N4BP2: variants seen among roughly 807,000 people sequenced by gnomAD.
N4BP2 encodes NEDD4 binding protein 2.
In N4BP2, 91 loss-of-function variants were observed where a neutral mutation model predicts 152.8. The ratio of observed to expected loss-of-function variants is 0.60; its 90% CI spans 0.50 to 0.71. The LOEUF is 0.71. N4BP2 is among the 30% of genes least tolerant of loss of function. The probability of loss-of-function intolerance (pLI) is 0.00; values close to 1 mark genes in which losing one functional copy is unlikely to be tolerated. For synonymous variants in N4BP2, 646 were observed against 705.3 expected (o/e 0.92, Z 1.33); for missense variants, 1,923 against 2,059.1 (o/e 0.93, Z 1.28).
At chr4:40,188,515 C>T in the N4BP2 span, among the ~76,000 whole-genome samples, 1 of 152,112 alleles carries the variant, frequency 6.6e-6, no homozygotes, top group Admixed American at 6.5e-5. Flanking sequence ...GAGGCTGAGG[C>T]AGGCGGATCC....
rs1024793270 is a variant in N4BP2 at position 40,156,029 on chromosome 4, TACATTAAAAATAA to T, written c.*1807_*1819del. 4.6e-5 allele frequency: 7 copies of T among 152,172 alleles called. No individual in the cohort carries two copies. The highest frequency in any genetic ancestry group is 9.7e-5 in the African/African-American group (4 of 41,450). The allele number at this position is 152,172 out of a possible 1,614,324, so 9.4% of individuals were successfully genotyped here. On this transcript the variant is annotated 3_prime_UTR_variant, in exon 18 of 18. Transcript: ENST00000261435. The stretch of plus-strand genomic sequence containing the variant: ...TTTTGTAATCTCTAGAACAGTTCTA[TACATTAAAAATAA>T]ACATTAAAAATAAAGCAGTTCCTTT...
chr4:40,062,458 A>G (rs141533511), intron 1 of N4BP2, among the ~76,000 whole-genome samples: 88 of 151,982 alleles, frequency 5.8e-4, no homozygotes, highest in Middle Eastern at 3.4e-3. Context: ...CAGTCTTCCA[A>G]TGCATTTTTC....
chr4:40,182,595 G>A, the N4BP2 span, among the ~76,000 whole-genome samples: 1 of 151,858 alleles, frequency 6.6e-6, no homozygotes, highest in Non-Finnish European at 1.5e-5. Flanking sequence ...GACTACAGGT[G>A]CACGCCACCA....
At chr4:40,131,638 G>T (rs768829950) in intron 12 of N4BP2, among the ~76,000 whole-genome samples, 163 bp from the exon 13 acceptor site, 1 of 152,112 alleles carries the variant, frequency 6.6e-6, no homozygotes, top group African/African-American at 2.4e-5. Flanking sequence ...AATAAATAGT[G>T]CAAGAGTACT....
At chr4:40,070,158 T>C (rs1177285512) in intron 1 of N4BP2, among the ~76,000 whole-genome samples, 2 of 152,200 alleles carry the variant, frequency 1.3e-5, no homozygotes, top group Non-Finnish European at 2.9e-5. Context: ...TTTTGCCATA[T>C]TTGTTTTATC....
Position 40,120,473 on chromosome 4 carries a change from GT to G in N4BP2, c.2364del (p.Gly789ValfsTer39), listed in dbSNP as rs753463560. 10 of 1,613,652 alleles carry G rather than the reference GT, an allele frequency of 6.2e-6. No homozygotes were observed. In the East Asian group the frequency reaches 2.2e-4, roughly 36 times the overall value. On this transcript the variant is annotated frameshift_variant, in exon 9 of 18. Transcript: ENST00000261435. LOFTEE classifies it high-confidence loss of function. ...KFPRHELSNF[V>X]GDWPVDKTIG... ...CCCAAGACATGAGCTATCAAATTTT[GT>G]TGGTGACTGGCCAGTTGATAAGACT...
In N4BP2 at chr4:40,144,618, T is replaced by G. The variant is rs751792551; in HGVS notation, c.4975-14T>G. 1 of 1,586,334 alleles carries G rather than the reference T, an allele frequency of 6.3e-7. No homozygotes were observed. The highest frequency in any genetic ancestry group is 8.6e-7 in the Non-Finnish European group (1 of 1,165,150). On this transcript the variant is annotated splice_polypyrimidine_tract_variant and intron_variant, in intron 15 of 17. Coordinates refer to ENST00000261435, the MANE Select transcript of N4BP2 (RefSeq NM_018177.6). ...ACAGCAAAACTGTCCCTTGGTGATA[T>G]GTTTATGATTTAGGGTACTCTTCAT...
chr4:40,178,225 A>C, the N4BP2 span, among the ~76,000 whole-genome samples: 1 of 152,164 alleles, frequency 6.6e-6, no homozygotes, highest in Non-Finnish European at 1.5e-5. Context: ...TTTGCTCAGA[A>C]ATGTGTACAA....
At chr4:40,085,814 A>T (rs1713885627) in intron 2 of N4BP2, among the ~76,000 whole-genome samples, 1 of 152,154 alleles carries the variant, frequency 6.6e-6, no homozygotes, top group Non-Finnish European at 1.5e-5. Context: ...TAGAAAGACA[A>T]GAACTGAGAA....
chr4:40,171,205 A>C, the N4BP2 span, among the ~76,000 whole-genome samples: 49 of 152,218 alleles, frequency 3.2e-4, no homozygotes, highest in South Asian at 7.9e-3. Flanking sequence ...AGTTCTTCCA[A>C]CGTGAAGTGC....
chr4:40,166,115 G>A, the N4BP2 span, among the ~76,000 whole-genome samples: 2 of 152,180 alleles, frequency 1.3e-5, no homozygotes, highest in Admixed American at 6.5e-5. Flanking sequence ...ACAATGGAAG[G>A]TGGGGGTGTA....
intron 4 of N4BP2, among the ~76,000 whole-genome samples, chr4:40,104,533 A>AGC (rs1716055780): frequency 6.6e-6 from 1 of 152,028 alleles, no homozygotes; most frequent in African/African-American, 2.4e-5. Flanking sequence ...CTGACTTAAT[A>AGC]ACAACAACAA....
intron 3 of N4BP2, chr4:40,100,111 C>T (rs1402690108): frequency 2.2e-6 from 1 of 455,704 alleles, no homozygotes; most frequent in African/African-American, 2.0e-5. Flanking sequence ...ATTTAATCCT[C>T]ACAGCAACCT....
rs1715815630 is a variant in N4BP2, at chr4:40,102,783, G to A, written c.938G>A (p.Arg313Gln). Residue 313 changes from arginine to glutamine, a missense_variant, in exon 4 of 18, where the codon CGG (arginine) becomes CAG (glutamine). Coordinates refer to ENST00000261435, the MANE Select transcript of N4BP2 (RefSeq NM_018177.6). ...ACAGGTGGGGATCAGAAATCTACTC[G>A]GGTCTCTGATGTGTTTCTACCTTCC... is the stretch of plus-strand genomic sequence containing the variant. ...PGTGGDQKST[R>Q]VSDVFLPSEG... 6.2e-7 allele frequency: 1 copy of A among 1,614,000 alleles called. No individual in the cohort carries two copies. Among genetic ancestry groups the A allele is most frequent in the Admixed American group, 1.7e-5 (1 of 59,976 alleles).
chr4:40,128,256 A>T (rs1397570779), intron 12 of N4BP2, among the ~76,000 whole-genome samples: 1 of 152,234 alleles, frequency 6.6e-6, no homozygotes, highest in Admixed American at 6.5e-5. Context: ...TTCTTAAAAC[A>T]TTTTAACACT....
intron 2 of N4BP2, among the ~76,000 whole-genome samples, chr4:40,087,809 C>G (rs553667094): frequency 6.6e-6 from 1 of 151,928 alleles, no homozygotes; most frequent in African/African-American, 2.4e-5. Context: ...CTGAATGGCT[C>G]GATCTCGGCT....
chr4:40,096,944 A>G (rs1254731435), intron 2 of N4BP2, among the ~76,000 whole-genome samples: 1 of 152,214 alleles, frequency 6.6e-6, no homozygotes, highest in Non-Finnish European at 1.5e-5. Flanking sequence ...GGTGTTCAGT[A>G]CGCATTCTAA....
intron 2 of N4BP2, among the ~76,000 whole-genome samples, chr4:40,094,804 G>A (rs961387806): frequency 7.2e-5 from 11 of 151,790 alleles, no homozygotes; most frequent in African/African-American, 2.4e-4. Flanking sequence ...TGCCCACCTC[G>A]ACCTCCCAAA....
At chr4:40,079,149 T>G (rs1373118250) in intron 2 of N4BP2, among the ~76,000 whole-genome samples, 1 of 152,064 alleles carries the variant, frequency 6.6e-6, no homozygotes, top group Non-Finnish European at 1.5e-5. Context: ...CTTGAACTCC[T>G]GACCTCAAGT....
Sources: allele counts gnomAD v4.1 joint callset (sites outside exome capture counted in the v4.1 genomes callset), GRCh38; gene constraint gnomAD v4.1.1; transcripts MANE v1.5; gene names NCBI Gene and HGNC (gene_info 2026-07-23, HGNC 2026-07-21).